Variants in GRID2 observed in about 807,000 individuals in gnomAD.
GRID2 encodes the protein glutamate ionotropic receptor delta type subunit 2.
Under a neutral mutation model 114.8 loss-of-function variants are expected in GRID2, and 33 were observed. The observed-to-expected ratio is 0.29, with a 90% CI of 0.22 to 0.38. GRID2 has a LOEUF of 0.38. Among genes scored for constraint, GRID2 ranks in the 10% least tolerant of loss-of-function variants. GRID2 has a pLI of 1.00. For synonymous variants in GRID2, 505 were observed against 449.9 expected (o/e 1.12, Z -1.55); for missense variants, 1,184 against 1,257.7 (o/e 0.94, Z 0.89).
Position 93,335,694 on chromosome 4 carries a change from C to CTTTTTTTTTTTTTTTT in GRID2, c.1246-59901_1246-59900insTTTTTTTTTTTTTTTT, listed in dbSNP as rs55823712. On this transcript the variant is annotated intron_variant, in intron 8 of 15. Coordinates refer to ENST00000282020, the MANE Select transcript of GRID2 (RefSeq NM_001510.4). ...TTCTCTCTCTCTTTCTTTCTTCTTT[C>CTTTTTTTTTTTTTTTT]TTTTTTTTTTTTGAGACAGGGTCTC... Among the ~76,000 whole-genome samples the CTTTTTTTTTTTTTTTT allele has an allele frequency of 6.0e-4, 85 of 141,724 alleles. 2 individuals carry two copies. The highest frequency in any genetic ancestry group is 2.2e-3 in the African/African-American group (82 of 37,224). The allele number at this position is 141,724 out of a possible 152,430, so 93.0% of individuals were successfully genotyped here.
At chr4:93,310,336 A>G (rs1755879757) in intron 8 of GRID2, among the ~76,000 whole-genome samples, 1 of 152,164 alleles carries the variant, frequency 6.6e-6, no homozygotes, top group East Asian at 1.9e-4. Flanking sequence ...CTTGGCCAAC[A>G]TGGTAAAACT....
chr4:92,517,504 G>A (rs2149136740), intron 1 of GRID2, among the ~76,000 whole-genome samples: 1 of 152,004 alleles, frequency 6.6e-6, no homozygotes, highest in Admixed American at 6.6e-5. Context: ...GTGTGTGAAT[G>A]TGTATGTTGT....
chr4:92,417,397 T>C (rs1731666304), intron 1 of GRID2, among the ~76,000 whole-genome samples: 1 of 152,086 alleles, frequency 6.6e-6, no homozygotes, highest in Admixed American at 6.6e-5. Flanking sequence ...AACTTAATTC[T>C]CAGTGCAACA....
At chr4:93,249,168 G>T (rs974602718) in intron 8 of GRID2, among the ~76,000 whole-genome samples, 1 of 152,150 alleles carries the variant, frequency 6.6e-6, no homozygotes, top group Non-Finnish European at 1.5e-5. Context: ...ATTTGTCAAA[G>T]ATTAGATGAC....
intron 2 of GRID2, among the ~76,000 whole-genome samples, chr4:93,028,791 AGGTAGCT>A (rs1724124280): frequency 6.6e-6 from 1 of 152,054 alleles, no homozygotes; most frequent in Non-Finnish European, 1.5e-5. Context: ...CTAGAAAATG[AGGTAGCT>A]GGTCCTGCTT....
chr4:92,669,024 A>C (rs1732922611), intron 2 of GRID2, among the ~76,000 whole-genome samples: 1 of 151,746 alleles, frequency 6.6e-6, no homozygotes, highest in Non-Finnish European at 1.5e-5. Flanking sequence ...TTGTTTCTTC[A>C]CTCTTGCGAT....
At chr4:92,706,117 A>T (rs1488578945) in intron 2 of GRID2, among the ~76,000 whole-genome samples, 1 of 152,162 alleles carries the variant, frequency 6.6e-6, no homozygotes, top group African/African-American at 2.4e-5. Flanking sequence ...ACCAAAACCT[A>T]AGAAAAACGG....
chr4:92,723,607 A>C lies in GRID2; in HGVS notation c.244+133321A>C, dbSNP rs146937255. On this transcript the variant is annotated intron_variant, in intron 2 of 15. Transcript: ENST00000282020. ...CTGTACTTTGAGGCATTAGGTAGTTACTTCTTTATTTTAAAAAGAAGCATT... is the reference window on the plus strand; with the variant it reads ...CTGTACTTTGAGGCATTAGGTAGTTCCTTCTTTATTTTAAAAAGAAGCATT... Among the ~76,000 whole-genome samples the C allele has an allele frequency of 2.3e-3, 353 of 152,246 alleles. 1 individual carries two copies. The highest frequency in any genetic ancestry group is 7.0e-3 in the African/African-American group (290 of 41,564).
In GRID2 at chr4:93,382,103, T is replaced by A. The variant is rs566873617; in HGVS notation, c.1246-13504T>A. Among the ~76,000 whole-genome samples the A allele has an allele frequency of 6.0e-4, 92 of 152,240 alleles. 1 individual carries two copies. Among genetic ancestry groups the A allele is most frequent in the Non-Finnish European group, 1.2e-3 (82 of 67,996 alleles). On this transcript the variant is annotated intron_variant, in intron 8 of 15. Coordinates refer to ENST00000282020, the MANE Select transcript of GRID2 (RefSeq NM_001510.4). ...TCTTTATGGTTTCCAAAATTTCTGATAAGATATATGCTTATAATTTTATCA... is the reference window on the plus strand; with the variant it reads ...TCTTTATGGTTTCCAAAATTTCTGAAAAGATATATGCTTATAATTTTATCA...
At chr4:92,640,964 G>T (rs924378379) in intron 2 of GRID2, among the ~76,000 whole-genome samples, 3 of 151,648 alleles carry the variant, frequency 2.0e-5, no homozygotes, top group Non-Finnish European at 4.4e-5. Flanking sequence ...TTAATATAAG[G>T]TGTGTGTGCA....
chr4:93,336,860 GTTCT>G (rs1443877011), intron 8 of GRID2, among the ~76,000 whole-genome samples: 3 of 151,592 alleles, frequency 2.0e-5, no homozygotes, highest in Non-Finnish European at 4.4e-5. Flanking sequence ...TCTTTGTTTG[GTTCT>G]TTATTTTTAT....
intron 2 of GRID2, among the ~76,000 whole-genome samples, chr4:92,962,346 G>A (rs543650292): frequency 6.6e-6 from 1 of 151,910 alleles, no homozygotes; most frequent in South Asian, 2.1e-4. Context: ...TCCTATGATT[G>A]AGACTCGGTC....
At chr4:93,608,819 A>G (rs1740622480) in intron 13 of GRID2, among the ~76,000 whole-genome samples, 1 of 136,022 alleles carries the variant, frequency 7.4e-6, no homozygotes, top group South Asian at 2.5e-4. Flanking sequence ...TCATTTGGGT[A>G]TATACCCAGT....
intron 8 of GRID2, among the ~76,000 whole-genome samples, chr4:93,338,415 C>T (rs1057254299): frequency 1.3e-5 from 2 of 152,002 alleles, no homozygotes; most frequent in Non-Finnish European, 2.9e-5. Flanking sequence ...TGGGAGGGGA[C>T]GTGCAGTAGC....
At chr4:92,725,361 A>C (rs770198847) in intron 2 of GRID2, among the ~76,000 whole-genome samples, 1 of 152,166 alleles carries the variant, frequency 6.6e-6, no homozygotes, top group Non-Finnish European at 1.5e-5. Context: ...AGAGTCTAAC[A>C]TCCTTATTAT....
At chr4:93,116,729 A>T (rs1486899575) in intron 4 of GRID2, among the ~76,000 whole-genome samples, 1 of 151,566 alleles carries the variant, frequency 6.6e-6, no homozygotes, top group Non-Finnish European at 1.5e-5. Flanking sequence ...AAATATCTTG[A>T]AGTAACTTCT....
chr4:93,544,219 T>A (rs1230740818), intron 13 of GRID2, among the ~76,000 whole-genome samples: 1 of 152,108 alleles, frequency 6.6e-6, no homozygotes, highest in African/African-American at 2.4e-5. Context: ...TGTTCTCAAA[T>A]GTGTGGAATA....
At chr4:92,760,961 A>AC (rs940560239) in intron 2 of GRID2, among the ~76,000 whole-genome samples, 7 of 152,084 alleles carry the variant, frequency 4.6e-5, no homozygotes, top group Admixed American at 4.6e-4. Flanking sequence ...TTAAGTACTC[A>AC]CCCTGCTAGT....
chr4:92,475,676 G>A (rs553516712), intron 1 of GRID2, among the ~76,000 whole-genome samples: 2 of 151,862 alleles, frequency 1.3e-5, no homozygotes, highest in Non-Finnish European at 2.9e-5. Flanking sequence ...GTTCTGTAAT[G>A]AATTTTAGGA....
Sources: allele counts gnomAD v4.1 joint callset (sites outside exome capture counted in the v4.1 genomes callset), GRCh38; gene constraint gnomAD v4.1.1; transcripts MANE v1.5; gene names NCBI Gene and HGNC (gene_info 2026-07-23, HGNC 2026-07-21).